Variants in MEX3C observed in about 807,000 individuals in gnomAD.
MEX3C encodes the protein mex-3 RNA binding family member C, also known as RNA-binding E3 ubiquitin-protein ligase MEX3C.
In MEX3C, 15 loss-of-function variants were observed where a neutral mutation model predicts 35.5. That is an observed-to-expected ratio of 0.42 (90% confidence interval 0.28 to 0.65). The LOEUF (loss-of-function observed/expected upper bound fraction) is 0.65, where lower values mean the gene tolerates loss of function less well. MEX3C is among the 30% of genes least tolerant of loss of function. The pLI is 0.20. For missense variants in MEX3C, 711 were observed against 842.8 expected (o/e 0.84, Z 1.94); for synonymous variants, 390 against 352.8 (o/e 1.11, Z -1.18).
intron 1 of MEX3C, among the ~76,000 whole-genome samples, chr18:51,191,827 G>A (rs1912656095): frequency 6.6e-6 from 1 of 152,116 alleles, no homozygotes; most frequent in Admixed American, 6.6e-5. Flanking sequence ...TACACAGTGA[G>A]TTATTGGCAC....
intron 1 of MEX3C, among the ~76,000 whole-genome samples, chr18:51,184,312 T>C (rs1438648796): frequency 6.6e-6 from 1 of 152,104 alleles, no homozygotes; most frequent in Admixed American, 6.5e-5. Context: ...TTGAACACAG[T>C]GAGACCCTGA....
rs1000950268 is a variant in MEX3C at position 51,174,576 on chromosome 18, TTAAG to T, written c.*1771_*1774del. 1.7e-4 allele frequency: 26 copies of T among 152,790 alleles called. No individual in the cohort carries two copies. The highest frequency in any genetic ancestry group is 3.4e-3 in the Middle Eastern group (1 of 294). The allele number at this position is 152,790 out of a possible 1,614,324, so 9.5% of individuals were successfully genotyped here. ...TCAAGTTAATGGAAACAAGTCTTTA[TTAAG>T]TAACTTTTAATATCAGAAAAATAAA... On this transcript the variant is annotated 3_prime_UTR_variant, in exon 2 of 2. Transcript: ENST00000406189.
Position 51,177,149 on chromosome 18 carries a change from A to G in MEX3C, c.1182T>C (p.Arg394=), listed in dbSNP as rs1402294224. 3 of 1,613,916 alleles carry G rather than the reference A, an allele frequency of 1.9e-6. No individual in the cohort carries two copies. Among genetic ancestry groups the G allele is most frequent in the Non-Finnish European group, 2.5e-6 (3 of 1,179,896 alleles). ...REEIEMHIAM[R]TGNYIELNEE... is the part of the protein sequence containing the mutation. ...CATTGAGCTCTATATAGTTTCCTGT[A>G]CGCATGGCAATATGCATTTCTATTT... Residue 394 remains arginine, a synonymous_variant, in exon 2 of 2, where the codon CGT becomes CGC. Coordinates refer to ENST00000406189, the MANE Select transcript of MEX3C (RefSeq NM_016626.5). This position sits in a 1 kb window ranked among gnomAD's most constrained non-coding sequence, Gnocchi z 4.2.
At position 51,176,523 on chromosome 18, in the gene MEX3C, C is replaced by G; in HGVS notation, c.1808G>C (p.Arg603Thr). ...GSTSSSPPES[R>T]RKHDCVICFE... ...GCAAATCACACAGTCGTGCTTTCGTCTTGATTCTGGAGGTGAGCTAGAGGT... is the reference window on the plus strand; with the variant it reads ...GCAAATCACACAGTCGTGCTTTCGTGTTGATTCTGGAGGTGAGCTAGAGGT... The change falls in exon 2 of 2, where the codon AGA becomes ACA. Residue 603 changes from arginine to threonine, a missense_variant. Arg to Thr is a moderately conservative substitution (Grantham distance 71). This residue lies in a region of MEX3C where 87 missense variants were observed against 150.4 expected (regional missense o/e 0.58). Coordinates refer to ENST00000406189, the MANE Select transcript of MEX3C (RefSeq NM_016626.5). 6.2e-7 allele frequency: 1 copy of G among 1,613,974 alleles called. No homozygotes were observed. The highest frequency in any genetic ancestry group is 8.5e-7 in the Non-Finnish European group (1 of 1,179,900).
intron 1 of MEX3C, among the ~76,000 whole-genome samples, chr18:51,181,628 T>C (rs1034085305): frequency 1.3e-5 from 2 of 152,202 alleles, no homozygotes; most frequent in Non-Finnish European, 2.9e-5. Flanking sequence ...TCTTGTACAA[T>C]TGATCCTGTA....
rs1172594356 is a variant in MEX3C, at chr18:51,174,721, A to C, written c.*1630T>G. ...AAATTTTACTCAAATTGAATTTATA[A>C]TCCCTATGACTTCCCTACATATACA... On this transcript the variant is annotated 3_prime_UTR_variant, in exon 2 of 2. Coordinates refer to ENST00000406189, the MANE Select transcript of MEX3C (RefSeq NM_016626.5). The C allele has an allele frequency of 3.3e-5, 5 of 152,660 alleles. No individual in the cohort carries two copies. The highest frequency in any genetic ancestry group is 7.3e-5 in the Non-Finnish European group (5 of 68,036). 9.5% of individuals were successfully genotyped at this position (152,660 alleles called of 1,614,324 possible). A position where few individuals can be genotyped will look rare whatever the true frequency, so the allele number is the denominator to read the frequency against.
intron 1 of MEX3C, among the ~76,000 whole-genome samples, chr18:51,182,876 A>G (rs1912460165): frequency 6.6e-6 from 1 of 152,262 alleles, no homozygotes; most frequent in African/African-American, 2.4e-5. Context: ...TTTCAGTGAA[A>G]TATATAATGG....
chr18:51,191,934 A>G (rs1390297400), intron 1 of MEX3C, among the ~76,000 whole-genome samples: 1 of 152,198 alleles, frequency 6.6e-6, no homozygotes, highest in African/African-American at 2.4e-5. Context: ...GTATTTTTAC[A>G]TATTGTATAA....
rs1230189250 is a variant in MEX3C, at chr18:51,195,533, CTCTT to C, written c.754+1030_754+1033del. On this transcript the variant is annotated intron_variant, in intron 1 of 1. Transcript: ENST00000406189. Reference sequence around the variant, plus strand: ...CATTTAAGCGGCAGCGCCATCATCTCTCTTTATTTGACCCCAACAATGCTCTCAA... The same window carrying C: ...CATTTAAGCGGCAGCGCCATCATCTCTATTTGACCCCAACAATGCTCTCAA... 3.9e-5 allele frequency: 6 copies of C among 152,216 alleles called. No homozygotes were observed. In the East Asian group the frequency reaches 5.8e-4, roughly 15 times the overall value. The allele number at this position is 152,216 out of a possible 1,614,324, so 9.4% of individuals were successfully genotyped here.
At chr18:51,179,568 G>C (rs952579729) in intron 1 of MEX3C, among the ~76,000 whole-genome samples, 2 of 148,318 alleles carry the variant, frequency 1.3e-5, no homozygotes, top group Non-Finnish European at 3.0e-5. Context: ...AAAAGCCTCA[G>C]ATTTTGGAGC....
intron 1 of MEX3C, among the ~76,000 whole-genome samples, chr18:51,187,281 G>T (rs1380791742): frequency 6.6e-6 from 1 of 151,998 alleles, no homozygotes; most frequent in Non-Finnish European, 1.5e-5. Context: ...TGTGTGAAAG[G>T]CTCCACGAAC....
At position 51,176,928 on chromosome 18, in the gene MEX3C, C is replaced by G. The variant is rs754036837; in HGVS notation, c.1403G>C (p.Ser468Thr). The change falls in exon 2 of 2, where the codon AGT becomes ACT. Residue 468 changes from serine (S) to threonine (T), a missense_variant. By Grantham distance (58) the Ser-to-Thr change is moderately conservative. Transcript: ENST00000406189. Reference sequence around the variant, plus strand: ...TCCTGTGCTAAATGGGCTTGTTGGACTAAAGTCAGCCAGCCTATTGCTTCC... The same window carrying G: ...TCCTGTGCTAAATGGGCTTGTTGGAGTAAAGTCAGCCAGCCTATTGCTTCC... ...YFGSNRLADF[S>T]PTSPFSTGNF... 21 of 1,613,860 alleles carry G rather than the reference C, an allele frequency of 1.3e-5. No homozygotes were observed. The highest frequency in any genetic ancestry group is 1.8e-5 in the Non-Finnish European group (21 of 1,179,908).
chr18:51,197,232 G>A lies in MEX3C; in HGVS notation c.89C>T (p.Pro30Leu). The A allele has an allele frequency of 1.0e-6, 1 of 988,740 alleles. No individual in the cohort carries two copies. The highest frequency in any genetic ancestry group is 4.5e-5 in the South Asian group (1 of 22,138). The allele number at this position is 988,740 out of a possible 1,614,324, so 61.2% of individuals were successfully genotyped here. A position where few individuals can be genotyped will look rare whatever the true frequency, so the allele number is the denominator to read the frequency against. Reference sequence around the variant, plus strand: ...GCCGCCCGAGGGCGGCGGCAGAGGCGGCGGTGGCGGCGGCGGCGGCGGGGG... The same window carrying A: ...GCCGCCCGAGGGCGGCGGCAGAGGCAGCGGTGGCGGCGGCGGCGGCGGGGG... ...QPPPPPPPPP[P>L]PLPPPSGGPE... Residue 30 changes from proline (P) to leucine (L), a missense_variant, in exon 1 of 2, where the codon CCG (proline) becomes CTG (leucine). Physicochemically the swap from Pro to Leu is moderately conservative, Grantham distance 98. Transcript: ENST00000406189.
chr18:51,184,762 G>GT (rs1912499972), intron 1 of MEX3C, among the ~76,000 whole-genome samples: 1 of 151,990 alleles, frequency 6.6e-6, no homozygotes. Flanking sequence ...GGAGGCTGAG[G>GT]TTGGGAGGAT....
intron 1 of MEX3C, among the ~76,000 whole-genome samples, chr18:51,189,955 TA>T (rs1215617368): frequency 8.5e-5 from 13 of 152,200 alleles, no homozygotes; most frequent in African/African-American, 3.1e-4. Flanking sequence ...TGGCTTTAAC[TA>T]GCATTTGTTC....
At position 51,175,237 on chromosome 18, in the gene MEX3C, T is replaced by C. The variant is rs1290874830; in HGVS notation, c.*1114A>G. On this transcript the variant is annotated 3_prime_UTR_variant, in exon 2 of 2. Coordinates refer to ENST00000406189, the MANE Select transcript of MEX3C (RefSeq NM_016626.5). ...AGAAAAACCCACTAGTATAATGTTTTGTCCTTTCAATGCCAGCACAGATTT... is the reference window on the plus strand; with the variant it reads ...AGAAAAACCCACTAGTATAATGTTTCGTCCTTTCAATGCCAGCACAGATTT... 1 of 152,636 alleles carries C rather than the reference T, an allele frequency of 6.6e-6. No individual in the cohort carries two copies. The highest frequency in any genetic ancestry group is 1.5e-5 in the Non-Finnish European group (1 of 68,032). The allele number at this position is 152,636 out of a possible 1,614,324, so 9.5% of individuals were successfully genotyped here.
In MEX3C at chr18:51,177,133, C is replaced by G; in HGVS notation, c.1198G>C (p.Glu400Gln). The G allele has an allele frequency of 6.2e-7, 1 of 1,613,912 alleles. No individual in the cohort carries two copies. The highest frequency in any genetic ancestry group is 8.5e-7 in the Non-Finnish European group (1 of 1,179,890). The change falls in exon 2 of 2, where the codon GAG (glutamate) becomes CAG (glutamine). Residue 400 changes from glutamate (E) to glutamine (Q), a missense_variant. Transcript: ENST00000406189. This position sits in a 1 kb window ranked among gnomAD's most constrained non-coding sequence, Gnocchi z 4.2. ...TGGAAATCATTCTCTTCATTGAGCT[C>G]TATATAGTTTCCTGTACGCATGGCA... ...HIAMRTGNYI[E>Q]LNEENDFHYN... is the part of the protein sequence containing the mutation.
In MEX3C at chr18:51,197,216, GGGCGGCGGCAGA is replaced by G. The variant is rs1230791920; in HGVS notation, c.93_104del (p.Leu32_Pro35del). ...CCCCCTCGAGCTCCGGGCCGCCCGA[GGGCGGCGGCAGA>G]GGCGGCGGTGGCGGCGGCGGCGGCG... is the stretch of plus-strand genomic sequence containing the variant. On this transcript the variant is annotated inframe_deletion, in exon 1 of 2. Transcript: ENST00000406189. 5.0e-6 allele frequency: 5 copies of G among 1,005,556 alleles called. No homozygotes were observed. The highest frequency in any genetic ancestry group is 1.8e-5 in the African/African-American group (1 of 56,994). 62.3% of individuals were successfully genotyped at this position (1,005,556 alleles called of 1,614,324 possible).
In MEX3C at chr18:51,197,351, G is replaced by A; in HGVS notation, c.-31C>T. The A allele has an allele frequency of 3.3e-6, 1 of 302,134 alleles. No homozygotes were observed. The highest frequency in any genetic ancestry group is 4.9e-6 in the Non-Finnish European group (1 of 205,946). 18.7% of individuals were successfully genotyped at this position (302,134 alleles called of 1,614,324 possible). On this transcript the variant is annotated 5_prime_UTR_variant, in exon 1 of 2. Coordinates refer to ENST00000406189, the MANE Select transcript of MEX3C (RefSeq NM_016626.5). ...CGGCGCGCTGTCAATGGCGGCGGCG[G>A]CGGCCGGGTCAGGCGCGGCAGGCGG... is the stretch of plus-strand genomic sequence containing the variant.
Sources: gnomAD v4.1 joint callset for allele counts (sites outside exome capture counted in the v4.1 genomes callset) on GRCh38, gnomAD v4.1.1 for gene constraint, gnomAD v4.1.1 regional missense constraint, Gnocchi (gnomAD v3.1) non-coding constraint, MANE v1.5 for transcripts, NCBI Gene and HGNC (gene_info 2026-07-23, HGNC 2026-07-21) for gene names.